The following TAFA5 variants were observed in gnomAD, a reference collection of about 807,000 sequenced individuals.
TAFA5 encodes the protein chemokine-like protein TAFA-5.
A neutral mutation model predicts 15.3 loss-of-function variants in TAFA5; 6 were observed. The observed-to-expected ratio is 0.39, with a 90% CI of 0.21 to 0.77. The LOEUF is 0.77. Among genes scored for constraint, TAFA5 ranks in the 30% least tolerant of loss-of-function variants. The probability of loss-of-function intolerance (pLI) is 0.41; values close to 1 mark genes in which losing one functional copy is unlikely to be tolerated. For missense variants in TAFA5, 161 were observed against 193.1 expected (o/e 0.83, Z 0.98); for synonymous variants, 103 against 80.7 (o/e 1.28, Z -1.48).
intron 1 of TAFA5, among the ~76,000 whole-genome samples, chr22:48,563,512 T>C (rs1453107891): frequency 6.6e-6 from 1 of 152,208 alleles, no homozygotes. Context: ...CTCTTGTCTC[T>C]ATATGGGAAG....
chr22:48,635,551 C>T (rs979264096), intron 1 of TAFA5, among the ~76,000 whole-genome samples: 9 of 152,244 alleles, frequency 5.9e-5, no homozygotes, highest in African/African-American at 2.2e-4. Context: ...TCTTGAGCAG[C>T]CCCTGCGTGT....
chr22:48,680,216 G>A (rs1928136589), intron 2 of TAFA5, among the ~76,000 whole-genome samples: 1 of 152,248 alleles, frequency 6.6e-6, no homozygotes, highest in Admixed American at 6.5e-5. Flanking sequence ...TGTCTTCTTT[G>A]CTGGAAGCAG....
chr22:48,746,219 G>A (rs1166015146), intron 3 of TAFA5, among the ~76,000 whole-genome samples: 1 of 152,026 alleles, frequency 6.6e-6, no homozygotes, highest in Non-Finnish European at 1.5e-5. Flanking sequence ...CAGTGAAGTC[G>A]TCCAGGGCAT....
At chr22:48,576,713 G>T in intron 1 of TAFA5, 4 of 1,051,776 alleles carry the variant, frequency 3.8e-6, no homozygotes, top group Non-Finnish European at 4.8e-6. Context: ...GGCCCGGAGC[G>T]GCCGGCGGCG....
intron 2 of TAFA5, among the ~76,000 whole-genome samples, chr22:48,679,092 GC>G (rs369288969): frequency 0.47 from 6,756 of 14,336 alleles, 2,368 homozygotes; most frequent in Non-Finnish European, 0.67. Context: ...CCCTCTCCCG[GC>G]TCCCTGTCCA....
At chr22:48,744,452 C>T (rs146600211) in intron 3 of TAFA5, among the ~76,000 whole-genome samples, 1 of 152,166 alleles carries the variant, frequency 6.6e-6, no homozygotes, top group Non-Finnish European at 1.5e-5. Flanking sequence ...GCATCGATAC[C>T]TGGTGGCCCT....
At chr22:48,650,330 A>G (rs1460327078) in intron 2 of TAFA5, among the ~76,000 whole-genome samples, 2 of 152,060 alleles carry the variant, frequency 1.3e-5, no homozygotes, top group Admixed American at 1.3e-4. Flanking sequence ...TTGCTCACTC[A>G]CTCATCTGTT....
intron 3 of TAFA5, among the ~76,000 whole-genome samples, chr22:48,720,985 C>T (rs16999804): frequency 0.017 from 2,581 of 152,296 alleles, 82 homozygotes; most frequent in African/African-American, 0.06. Context: ...GTGAAGACCC[C>T]GGATGAGGAA....
rs1210227974 is a variant in TAFA5, at chr22:48,677,956, G to C, written c.263-29761G>C. ...ACCCCCAGACCTTCCAGTCCCCCAG[G>C]CCTCCCTAGACCCCGAGAGCTCACT... On this transcript the variant is annotated intron_variant, in intron 2 of 3. Transcript: ENST00000402357. Among the ~76,000 whole-genome samples the C allele has an allele frequency of 4.6e-5, 7 of 151,970 alleles. No homozygotes were observed. In the East Asian group the frequency reaches 1.4e-3, roughly 29 times the overall value.
intron 1 of TAFA5, among the ~76,000 whole-genome samples, chr22:48,495,719 A>G (rs1158268138): frequency 6.6e-6 from 1 of 152,180 alleles, no homozygotes; most frequent in Non-Finnish European, 1.5e-5. Context: ...TAGCAGCGTC[A>G]TCCTCAGTGG....
chr22:48,741,778 C>T (rs1176381360), intron 3 of TAFA5, among the ~76,000 whole-genome samples: 1 of 152,216 alleles, frequency 6.6e-6, no homozygotes, highest in Non-Finnish European at 1.5e-5. Flanking sequence ...TCCTGGGCTG[C>T]AGACAGCGAA....
At chr22:48,657,325 C>T (rs1927285398) in intron 2 of TAFA5, among the ~76,000 whole-genome samples, 1 of 152,148 alleles carries the variant, frequency 6.6e-6, no homozygotes, top group South Asian at 2.1e-4. Flanking sequence ...CCAGAACTAA[C>T]TCTAGAGGAA....
chr22:48,648,887 G>A (rs1371573512), intron 2 of TAFA5, among the ~76,000 whole-genome samples: 3 of 152,168 alleles, frequency 2.0e-5, no homozygotes, highest in African/African-American at 4.8e-5. Context: ...CTAATAGGCC[G>A]AGCCCTTGAT....
At chr22:48,501,732 G>A (rs757869548) in intron 1 of TAFA5, among the ~76,000 whole-genome samples, 7 of 152,182 alleles carry the variant, frequency 4.6e-5, no homozygotes, top group Admixed American at 2.6e-4. Context: ...GTCCCCTGGA[G>A]GCCCCAGGGG....
rs1044257919 is a variant in TAFA5 at position 48,560,388 on chromosome 22, A to T, written c.112+70684A>T. On this transcript the variant is annotated intron_variant, in intron 1 of 3. Transcript: ENST00000402357. This position sits in a 1 kb window ranked among gnomAD's most constrained non-coding sequence, Gnocchi z 4.2. ...TCCATTCTCGGCCTCCAATCCCTGG[A>T]GACCACACGTGGGATGCCAGGAGCA... 9.9e-5 allele frequency among the ~76,000 whole-genome samples: 15 copies of T among 151,984 alleles called. No homozygotes were observed. The highest frequency in any genetic ancestry group is 3.6e-4 in the African/African-American group (15 of 41,368).
At chr22:48,687,773 A>AG (rs1274463948) in intron 2 of TAFA5, among the ~76,000 whole-genome samples, 9 of 152,220 alleles carry the variant, frequency 5.9e-5, no homozygotes, top group Middle Eastern at 3.4e-3. Flanking sequence ...CCCACCTCTG[A>AG]GGGGGGAACA....
At chr22:48,587,188 T>C (rs1004806889) in intron 1 of TAFA5, among the ~76,000 whole-genome samples, 4 of 152,202 alleles carry the variant, frequency 2.6e-5, no homozygotes, top group Admixed American at 1.3e-4. Context: ...TGGGGTGACC[T>C]TCTGTGTGGA....
Position 48,628,276 on chromosome 22 carries a change from G to A in TAFA5, c.113-18321G>A, listed in dbSNP as rs970419607. The stretch of plus-strand genomic sequence containing the variant: ...ATGGGGAGGCTGGCTGCTGCCCCAC[G>A]GGACCCAGCTTGTGGGGGTGTCAGA... On this transcript the variant is annotated intron_variant, in intron 1 of 3. Transcript: ENST00000402357. Among the ~76,000 whole-genome samples, 3 of 152,302 alleles carry A rather than the reference G, an allele frequency of 2.0e-5. No homozygotes were observed. In the South Asian group the frequency reaches 6.2e-4, roughly 32 times the overall value.
At chr22:48,668,848 G>C (rs1462798941) in intron 2 of TAFA5, among the ~76,000 whole-genome samples, 2 of 152,202 alleles carry the variant, frequency 1.3e-5, no homozygotes, top group African/African-American at 4.8e-5. Context: ...CCTGGTGGAG[G>C]CTGCTGCGGG....
Sources: allele counts gnomAD v4.1 joint callset (sites outside exome capture counted in the v4.1 genomes callset), GRCh38; gene constraint gnomAD v4.1.1; non-coding constraint Gnocchi (gnomAD v3.1); transcripts MANE v1.5; gene names NCBI Gene and HGNC (gene_info 2026-07-23, HGNC 2026-07-21).